GLIS3: variants seen among roughly 807,000 people sequenced by gnomAD.
GLIS3 encodes the protein zinc finger protein GLIS3.
In GLIS3, 53 loss-of-function variants were observed where a neutral mutation model predicts 78.6. The observed-to-expected ratio is 0.67, with a 90% CI of 0.54 to 0.85. The LOEUF is 0.85. Ranked by LOEUF, GLIS3 falls within the 40% of genes least tolerant of loss-of-function variation. The probability of loss-of-function intolerance (pLI) is 0.00; values close to 1 mark genes in which losing one functional copy is unlikely to be tolerated. For synonymous variants in GLIS3, 684 were observed against 509.9 expected (o/e 1.34, Z -4.60); for missense variants, 1,703 against 1,231.1 (o/e 1.38, Z -5.74).
the GLIS3 span, among the ~76,000 whole-genome samples, chr9:4,423,914 T>C: frequency 6.6e-6 from 1 of 152,204 alleles, no homozygotes; most frequent in African/African-American, 2.4e-5. Flanking sequence ...AGGTGGGAAA[T>C]GTGAGCTGAT....
intron 4 of GLIS3, among the ~76,000 whole-genome samples, chr9:4,024,585 G>T (rs1823161301): frequency 6.6e-6 from 1 of 152,160 alleles, no homozygotes; most frequent in African/African-American, 2.4e-5. Flanking sequence ...CTGGTGGGAA[G>T]CTCAGAGTGT....
At chr9:4,441,414 C>T in the GLIS3 span, among the ~76,000 whole-genome samples, 20 of 152,130 alleles carry the variant, frequency 1.3e-4, no homozygotes, top group Admixed American at 2.0e-4. Context: ...TTTTGTCCTT[C>T]ATTTTGTTAA....
At chr9:4,364,202 C>G in the GLIS3 span, among the ~76,000 whole-genome samples, 1 of 152,190 alleles carries the variant, frequency 6.6e-6, no homozygotes, top group Non-Finnish European at 1.5e-5. Context: ...ATCCCTCAGT[C>G]TACTGAAAAA....
At chr9:4,014,311 G>A (rs1266479004) in intron 4 of GLIS3, among the ~76,000 whole-genome samples, 2 of 152,118 alleles carry the variant, frequency 1.3e-5, no homozygotes, top group East Asian at 1.9e-4. Flanking sequence ...GCTAAATGGT[G>A]TCCACCCCCT....
chr9:4,181,705 G>A (rs1817339796), intron 2 of GLIS3, among the ~76,000 whole-genome samples: 1 of 152,172 alleles, frequency 6.6e-6, no homozygotes, highest in South Asian at 2.1e-4. Context: ...TCTTGCTTTG[G>A]CTAATGATGC....
intron 4 of GLIS3, among the ~76,000 whole-genome samples, chr9:4,069,652 T>C (rs758710186): frequency 4.6e-5 from 7 of 152,122 alleles, no homozygotes; most frequent in Non-Finnish European, 8.8e-5. Context: ...AGGTGAGAAG[T>C]GCCTTGAAAT....
chr9:3,847,132 C>T lies in GLIS3; in HGVS notation c.2473+8877G>A, dbSNP rs542397108. ...CCGGGAGGCAGAGGTTGCAGTGAGC[C>T]GAGATCGCGCCTCTGTACTCCAGCC... is the stretch of plus-strand genomic sequence containing the variant. On this transcript the variant is annotated intron_variant, in intron 9 of 10. Coordinates refer to ENST00000381971, the MANE Select transcript of GLIS3 (RefSeq NM_001042413.2). Among the ~76,000 whole-genome samples, 6 of 152,016 alleles carry T rather than the reference C, an allele frequency of 3.9e-5. No homozygotes were observed. In the South Asian group the frequency reaches 6.3e-4, roughly 16 times the overall value.
intron 8 of GLIS3, among the ~76,000 whole-genome samples, chr9:3,864,316 C>T (rs1314745736): frequency 3.3e-5 from 5 of 152,078 alleles, no homozygotes; most frequent in East Asian, 1.9e-4. Context: ...GAAAGAAAAA[C>T]GTTCAGAAGA....
chr9:4,211,977 T>A (rs34105898), intron 2 of GLIS3, among the ~76,000 whole-genome samples: 14,380 of 152,134 alleles, frequency 0.095, 690 homozygotes, highest in Non-Finnish European at 0.11. Context: ...GGCAAATCCA[T>A]AGAGACAGAA....
chr9:4,123,917 A>T (rs1489364768), intron 3 of GLIS3: 1 of 395,234 alleles, frequency 2.5e-6, no homozygotes, highest in African/African-American at 2.1e-5. Flanking sequence ...AGCATCTCTC[A>T]AACTGGACAG....
At chr9:4,155,191 T>A (rs1373842927) in intron 2 of GLIS3, among the ~76,000 whole-genome samples, 4 of 152,174 alleles carry the variant, frequency 2.6e-5, no homozygotes, top group Non-Finnish European at 1.5e-5. Flanking sequence ...GAAAAAATAA[T>A]GCTCTGAAGA....
At chr9:4,123,832 T>C in intron 3 of GLIS3, 1 of 398,250 alleles carries the variant, frequency 2.5e-6, no homozygotes, top group Non-Finnish European at 4.4e-6. Flanking sequence ...CTTTTCCATG[T>C]TTTCCACATT....
At chr9:4,050,596 TAATAAA>T (rs1340961012) in intron 4 of GLIS3, among the ~76,000 whole-genome samples, 1 of 152,096 alleles carries the variant, frequency 6.6e-6, no homozygotes, top group Non-Finnish European at 1.5e-5. Flanking sequence ...TAAAGTATAA[TAATAAA>T]AATAAAAGTA....
rs541719049 is a variant in GLIS3, at chr9:4,331,970, C to G, written n.264+15111G>C. On this transcript the variant is annotated intron_variant and non_coding_transcript_variant, in intron 2 of 4. Transcript: ENST00000471664. ...GATACCAGGGAGACTAAAGCATGAGCCCTTCCTAGCTCTTCTTCAACTTGG... is the reference window on the plus strand; with the variant it reads ...GATACCAGGGAGACTAAAGCATGAGGCCTTCCTAGCTCTTCTTCAACTTGG... Among the ~76,000 whole-genome samples, 4 of 152,278 alleles carry G rather than the reference C, an allele frequency of 2.6e-5. No individual in the cohort carries two copies. In the East Asian group the frequency reaches 7.7e-4, roughly 29 times the overall value.
chr9:4,074,514 G>C (rs1475751400), intron 4 of GLIS3, among the ~76,000 whole-genome samples: 3 of 152,082 alleles, frequency 2.0e-5, no homozygotes, highest in African/African-American at 4.8e-5. Flanking sequence ...AATGTCCTAA[G>C]CTGGTTTCCT....
chr9:3,899,084 A>T, intron 6 of GLIS3: 4 of 538,560 alleles, frequency 7.4e-6, no homozygotes, highest in Non-Finnish European at 1.3e-5. Flanking sequence ...TGATATTTCC[A>T]CTTCTGGCAA....
chr9:4,419,224 C>G, the GLIS3 span, among the ~76,000 whole-genome samples: 1 of 152,178 alleles, frequency 6.6e-6, no homozygotes, highest in Non-Finnish European at 1.5e-5. Context: ...ACTAGGTGCT[C>G]ATCTGGGTTG....
At chr9:3,850,170 T>C (rs1007484301) in intron 9 of GLIS3, among the ~76,000 whole-genome samples, 2 of 152,160 alleles carry the variant, frequency 1.3e-5, no homozygotes, top group Non-Finnish European at 2.9e-5. Flanking sequence ...TGGGTGGTTA[T>C]TAAAAATCAC....
intron 8 of GLIS3, among the ~76,000 whole-genome samples, chr9:3,868,833 GTACATAGTGTTGTATACAACACTTGTT>G (rs1820780003): frequency 7.5e-4 from 1 of 1,342 alleles, no homozygotes; most frequent in South Asian, 0.031. Flanking sequence ...AACACTTGTT[GTACATAGTGTTGTATACAACACTTGTT>G]GTACATAGTC....
Sources: allele counts gnomAD v4.1 joint callset (sites outside exome capture counted in the v4.1 genomes callset), GRCh38; gene constraint gnomAD v4.1.1; transcripts MANE v1.5; gene names NCBI Gene and HGNC (gene_info 2026-07-23, HGNC 2026-07-21).